The following KIF6 variants were observed in gnomAD, a reference collection of about 807,000 sequenced individuals.
KIF6 encodes kinesin family member 6, also known as kinesin-like protein KIF6.
A neutral mutation model predicts 112.7 loss-of-function variants in KIF6; 106 were observed. The observed-to-expected ratio is 0.94, with a 90% CI of 0.80 to 1.11. The LOEUF (loss-of-function observed/expected upper bound fraction) is 1.11. Ranked by LOEUF, KIF6 falls within the 50% of genes least tolerant of loss-of-function variation. The pLI is 0.00. For missense variants in KIF6, 929 were observed against 964.0 expected (o/e 0.96, Z 0.48); for synonymous variants, 339 against 339.9 (o/e 1.00, Z 0.03).
At chr6:39,429,245 C>T in intron 14 of KIF6, among the ~76,000 whole-genome samples, 1 of 152,216 alleles carries the variant, frequency 6.6e-6, no homozygotes, top group East Asian at 1.9e-4. Context: ...GGTCTACCTT[C>T]TTTCCCATTC....
At chr6:39,531,019 T>C (rs538163451) in intron 13 of KIF6, among the ~76,000 whole-genome samples, 45 of 152,010 alleles carry the variant, frequency 3.0e-4, no homozygotes, top group African/African-American at 8.4e-4. Context: ...TTTGTAGTTT[T>C]GCCAAAAAAA....
At chr6:39,476,454 T>C (rs912350196) in intron 13 of KIF6, among the ~76,000 whole-genome samples, 1 of 152,054 alleles carries the variant, frequency 6.6e-6, no homozygotes, top group Non-Finnish European at 1.5e-5. Flanking sequence ...TGTGAGAGCA[T>C]ACAGAAACAA....
intron 7 of KIF6, 59 bp downstream of exon 7, chr6:39,595,995 G>T: frequency 2.3e-6 from 3 of 1,309,190 alleles, no homozygotes; most frequent in East Asian, 2.3e-5. Context: ...CTGATACATA[G>T]TATGTGGTCA....
At chr6:39,635,135 CT>C (rs1449740476) in intron 4 of KIF6, among the ~76,000 whole-genome samples, 177 bp from the exon 5 acceptor site, 2 of 151,896 alleles carry the variant, frequency 1.3e-5, no homozygotes, top group East Asian at 1.9e-4. Context: ...ATGCATGAAG[CT>C]TTTTTTAATG....
intron 19 of KIF6, among the ~76,000 whole-genome samples, chr6:39,348,262 G>A (rs1433834293): frequency 2.0e-5 from 3 of 152,186 alleles, no homozygotes; most frequent in Non-Finnish European, 4.4e-5. Flanking sequence ...AGGTTCCAGG[G>A]AGAGTTCACA....
chr6:39,408,580 A>G (rs1245672042), intron 15 of KIF6, among the ~76,000 whole-genome samples: 1 of 152,114 alleles, frequency 6.6e-6, no homozygotes, highest in Non-Finnish European at 1.5e-5. Flanking sequence ...ATGATACTTT[A>G]TGGTCCTATT....
chr6:39,535,091 C>A (rs1310270136), intron 13 of KIF6, among the ~76,000 whole-genome samples: 1 of 152,184 alleles, frequency 6.6e-6, no homozygotes, highest in Non-Finnish European at 1.5e-5. Context: ...ACAACTGGTA[C>A]CAGCCACTGC....
At chr6:39,424,106 T>C (rs574295890) in intron 14 of KIF6, among the ~76,000 whole-genome samples, 5 of 152,270 alleles carry the variant, frequency 3.3e-5, no homozygotes, top group Admixed American at 6.5e-5. Flanking sequence ...TTCTCTTCCA[T>C]CCCCCACAAC....
intron 15 of KIF6, among the ~76,000 whole-genome samples, chr6:39,407,867 T>G (rs748075144): frequency 6.6e-6 from 1 of 152,174 alleles, no homozygotes; most frequent in Non-Finnish European, 1.5e-5. Flanking sequence ...AATATCTTCC[T>G]TGGGCCAGTG....
intron 16 of KIF6, among the ~76,000 whole-genome samples, chr6:39,374,209 A>G (rs1286605985): frequency 6.6e-6 from 1 of 152,222 alleles, no homozygotes; most frequent in East Asian, 1.9e-4. Context: ...ATCTCAAACC[A>G]TAAAGAAAAA....
At chr6:39,416,782 C>G (rs1769951103) in intron 15 of KIF6, among the ~76,000 whole-genome samples, 1 of 152,214 alleles carries the variant, frequency 6.6e-6, no homozygotes, top group Admixed American at 6.5e-5. Context: ...AGAGAAAAAA[C>G]AAACTACCCG....
chr6:39,473,515 T>C (rs979940684), intron 13 of KIF6, among the ~76,000 whole-genome samples: 5 of 152,098 alleles, frequency 3.3e-5, no homozygotes, highest in Non-Finnish European at 7.4e-5. Flanking sequence ...CCAATGTCAT[T>C]AGAAAGAGAC....
Position 39,335,216 on chromosome 6 carries a change from ATAACTAGGGGG to A in KIF6, c.*1305_*1315del, listed in dbSNP as rs1762872866. 6.6e-6 allele frequency: 1 copy of A among 152,112 alleles called. No individual in the cohort carries two copies. Among genetic ancestry groups the A allele is most frequent in the South Asian group, 2.1e-4 (1 of 4,822 alleles). The allele number at this position is 152,112 out of a possible 1,614,324, so 9.4% of individuals were successfully genotyped here. Reference sequence around the variant, plus strand: ...AGAAAAAATGGTAATGGGATAGGGGATAACTAGGGGGTGACTCGAGATGGAGTGGTCAGGGG... The same window carrying A: ...AGAAAAAATGGTAATGGGATAGGGGATGACTCGAGATGGAGTGGTCAGGGG... On this transcript the variant is annotated 3_prime_UTR_variant, in exon 23 of 23. Transcript: ENST00000287152.
At chr6:39,365,799 C>T (rs1191913393) in intron 16 of KIF6, among the ~76,000 whole-genome samples, 2 of 152,186 alleles carry the variant, frequency 1.3e-5, no homozygotes, top group African/African-American at 4.8e-5. Context: ...TGCTGCAAGC[C>T]CAGTACGTGA....
chr6:39,529,107 T>C (rs1174625607), intron 13 of KIF6, among the ~76,000 whole-genome samples: 2 of 152,194 alleles, frequency 1.3e-5, no homozygotes, highest in African/African-American at 2.4e-5. Context: ...ACTATTTATA[T>C]GCAGAAGAAC....
chr6:39,557,986 A>G (rs1779810088), intron 10 of KIF6, among the ~76,000 whole-genome samples: 1 of 151,730 alleles, frequency 6.6e-6, no homozygotes, highest in African/African-American at 2.4e-5. Context: ...ATGAATGCGA[A>G]TTGTTCACAA....
intron 10 of KIF6, among the ~76,000 whole-genome samples, chr6:39,568,306 T>C (rs1033334535): frequency 1.3e-5 from 2 of 152,098 alleles, no homozygotes; most frequent in African/African-American, 4.8e-5. Context: ...AGACATTTGA[T>C]CAAGGAAGTG....
chr6:39,369,891 C>G (rs1178806541), intron 16 of KIF6, among the ~76,000 whole-genome samples: 1 of 152,196 alleles, frequency 6.6e-6, no homozygotes. Context: ...CTTTTGGTTA[C>G]TGGTCTGCAT....
intron 3 of KIF6, among the ~76,000 whole-genome samples, chr6:39,710,552 C>A (rs1252802715): frequency 1.3e-5 from 2 of 149,738 alleles, no homozygotes; most frequent in Non-Finnish European, 3.0e-5. Context: ...CAAGAATAGA[C>A]TTTTTCATTT....
Sources: gnomAD v4.1 joint callset for allele counts (sites outside exome capture counted in the v4.1 genomes callset) on GRCh38, gnomAD v4.1.1 for gene constraint, MANE v1.5 for transcripts, NCBI Gene and HGNC (gene_info 2026-07-23, HGNC 2026-07-21) for gene names.